The following CSMD1 variants were observed in gnomAD, a reference collection of about 807,000 sequenced individuals.
The protein encoded by CSMD1 is CUB and sushi domain-containing protein 1.
In CSMD1, 213 loss-of-function variants were observed where a neutral mutation model predicts 417.5. The observed-to-expected ratio is 0.51, with a 90% CI of 0.46 to 0.57. CSMD1 has a LOEUF of 0.57. Among genes scored for constraint, CSMD1 ranks in the 20% least tolerant of loss-of-function variants. The pLI, the probability that CSMD1 is intolerant of heterozygous loss-of-function variation, is 0.00. For synonymous variants in CSMD1, 2,862 were observed against 1,736.8 expected (o/e 1.65, Z -16.11); for missense variants, 6,923 against 4,529.7 (o/e 1.53, Z -15.17).
chr8:4,336,055 A>T (rs1475873529), intron 3 of CSMD1, among the ~76,000 whole-genome samples: 2 of 152,156 alleles, frequency 1.3e-5, no homozygotes, highest in Admixed American at 6.5e-5. Context: ...CCCTGTCTTC[A>T]ATAATGATTA....
At chr8:3,415,251 AT>A (rs142412320) in intron 12 of CSMD1, among the ~76,000 whole-genome samples, 2,846 of 152,228 alleles carry the variant, frequency 0.019, 56 homozygotes, top group East Asian at 0.096. Context: ...CATACTTCTG[AT>A]TTTTTTCTTG....
intron 2 of CSMD1, among the ~76,000 whole-genome samples, chr8:4,421,148 C>A (rs182484150): frequency 1.5e-3 from 225 of 152,248 alleles, no homozygotes; most frequent in African/African-American, 5.2e-3. Context: ...GAAAAAGAAA[C>A]CATTGTCATA....
chr8:4,584,573 G>C (rs1799607669), intron 2 of CSMD1, among the ~76,000 whole-genome samples: 1 of 152,096 alleles, frequency 6.6e-6, no homozygotes, highest in African/African-American at 2.4e-5. Context: ...CGCTTTTCCT[G>C]TACTTCTGGG....
chr8:4,445,030 C>G (rs74639322), intron 2 of CSMD1, among the ~76,000 whole-genome samples: 3 of 152,074 alleles, frequency 2.0e-5, no homozygotes, highest in African/African-American at 7.2e-5. Context: ...AAACCTATAC[C>G]CATATTGAAA....
intron 23 of CSMD1, among the ~76,000 whole-genome samples, chr8:3,337,078 C>T (rs1042765074): frequency 1.3e-5 from 2 of 152,090 alleles, no homozygotes; most frequent in Admixed American, 6.5e-5. Context: ...TGCTGTCCCC[C>T]TGCCTCAAAA....
chr8:4,899,375 A>G (rs1459564102), intron 1 of CSMD1, among the ~76,000 whole-genome samples: 1 of 152,222 alleles, frequency 6.6e-6, no homozygotes, highest in Non-Finnish European at 1.5e-5. Context: ...AAGATGAAAT[A>G]TACTGAGGAA....
At chr8:4,037,394 C>A (rs1041212534) in intron 3 of CSMD1, among the ~76,000 whole-genome samples, 1 of 152,174 alleles carries the variant, frequency 6.6e-6, no homozygotes, top group Non-Finnish European at 1.5e-5. Flanking sequence ...CACGCAACAG[C>A]CCAGTGGCAT....
intron 5 of CSMD1, among the ~76,000 whole-genome samples, chr8:3,801,785 C>G (rs573198313): frequency 2.6e-5 from 4 of 152,004 alleles, no homozygotes; most frequent in Admixed American, 2.0e-4. Flanking sequence ...TAGCATTTTA[C>G]GGGTCATTAA....
chr8:4,723,665 G>C (rs1360883687), intron 1 of CSMD1, among the ~76,000 whole-genome samples: 1 of 151,682 alleles, frequency 6.6e-6, no homozygotes, highest in Non-Finnish European at 1.5e-5. Context: ...ATCTTTCTCA[G>C]TTTTTACCAC....
chr8:3,548,317 T>A (rs1201943670), intron 10 of CSMD1, among the ~76,000 whole-genome samples: 1 of 152,120 alleles, frequency 6.6e-6, no homozygotes, highest in Non-Finnish European at 1.5e-5. Flanking sequence ...TTTCCATAGG[T>A]AATTGGGGAA....
chr8:3,531,794 G>C (rs1011132397), intron 10 of CSMD1, among the ~76,000 whole-genome samples: 4 of 152,228 alleles, frequency 2.6e-5, no homozygotes, highest in African/African-American at 9.6e-5. Flanking sequence ...AGATAAGCAA[G>C]CTAGAAGCTT....
At chr8:4,716,662 G>A (rs1286368297) in intron 1 of CSMD1, among the ~76,000 whole-genome samples, 1 of 152,150 alleles carries the variant, frequency 6.6e-6, no homozygotes, top group East Asian at 1.9e-4. Flanking sequence ...TTTAAGAAAA[G>A]TATTTAAATT....
intron 12 of CSMD1, among the ~76,000 whole-genome samples, chr8:3,450,387 T>C (rs1162348190): frequency 6.6e-6 from 1 of 152,108 alleles, no homozygotes; most frequent in African/African-American, 2.4e-5. Flanking sequence ...TGTATACATG[T>C]GCCATGTTGG....
At chr8:3,440,663 G>C (rs189693850) in intron 12 of CSMD1, among the ~76,000 whole-genome samples, 150 of 152,234 alleles carry the variant, frequency 9.9e-4, no homozygotes, top group African/African-American at 3.5e-3. Context: ...ATTTTGAATG[G>C]ACTTGAGCTT....
chr8:4,842,641 T>A (rs1248841339), intron 1 of CSMD1, among the ~76,000 whole-genome samples: 1 of 152,204 alleles, frequency 6.6e-6, no homozygotes, highest in Non-Finnish European at 1.5e-5. Flanking sequence ...CTCAGTAGTG[T>A]TCTTCTCTGT....
chr8:3,519,783 C>G (rs1204168701), intron 10 of CSMD1, among the ~76,000 whole-genome samples: 1 of 151,580 alleles, frequency 6.6e-6, no homozygotes, highest in Admixed American at 6.6e-5. Flanking sequence ...ACACTTGCAT[C>G]ATTTAATAAT....
chr8:3,389,431 T>C (rs544009187), intron 17 of CSMD1, among the ~76,000 whole-genome samples: 3 of 152,204 alleles, frequency 2.0e-5, no homozygotes, highest in South Asian at 2.1e-4. Context: ...AGCATCAAGA[T>C]CAAAATCAAG....
rs546890186 is a variant in CSMD1 at position 3,814,468 on chromosome 8, A to C, written c.819-60426T>G. 2.0e-5 allele frequency among the ~76,000 whole-genome samples: 3 copies of C among 152,154 alleles called. No individual in the cohort carries two copies. The South Asian group carries it at 6.2e-4, about 32-fold the overall frequency. ...ATTGTCATGAAATAATGATTTGCACACTCCATAGCTTTCAACTGTGGCCGA... is the reference window on the plus strand; with the variant it reads ...ATTGTCATGAAATAATGATTTGCACCCTCCATAGCTTTCAACTGTGGCCGA... On this transcript the variant is annotated intron_variant, in intron 5 of 69. Coordinates refer to ENST00000635120, the MANE Select transcript of CSMD1 (RefSeq NM_033225.6).
chr8:3,610,997 C>A (rs1044534347), intron 8 of CSMD1, among the ~76,000 whole-genome samples: 2 of 147,928 alleles, frequency 1.4e-5, no homozygotes, highest in African/African-American at 2.5e-5. Context: ...AAACCAAACA[C>A]CGCATGTTCT....
Sources: allele counts gnomAD v4.1 joint callset (sites outside exome capture counted in the v4.1 genomes callset), GRCh38; gene constraint gnomAD v4.1.1; transcripts MANE v1.5; gene names NCBI Gene and HGNC (gene_info 2026-07-23, HGNC 2026-07-21).